Variants in ELMO1 observed in about 807,000 individuals in gnomAD.
ELMO1 encodes the protein engulfment and cell motility protein 1.
A neutral mutation model predicts 98.9 loss-of-function variants in ELMO1; 26 were observed. The observed-to-expected ratio is 0.26, with a 90% CI of 0.19 to 0.36. The LOEUF (loss-of-function observed/expected upper bound fraction) is 0.36. Ranked by LOEUF, ELMO1 falls within the 10% of genes least tolerant of loss-of-function variation. The pLI, the probability that ELMO1 is intolerant of heterozygous loss-of-function variation, is 1.00. For synonymous variants in ELMO1, 346 were observed against 346.0 expected, an observed-to-expected ratio of 1.00 and a Z score of 0.00; for missense variants, 627 against 935.2, an observed-to-expected ratio of 0.67 and a Z score of 4.30.
At chr7:37,293,096 G>C (rs1451468938) in intron 4 of ELMO1, among the ~76,000 whole-genome samples, 2 of 24,392 alleles carry the variant, frequency 8.2e-5, no homozygotes, top group Non-Finnish European at 3.5e-4. Context: ...GGGAGGTGGG[G>C]GGGGGTCAGC....
chr7:36,902,117 T>C (rs2129059501), intron 16 of ELMO1, among the ~76,000 whole-genome samples: 1 of 152,296 alleles, frequency 6.6e-6, no homozygotes, highest in African/African-American at 2.4e-5. Context: ...TTAATGTAAA[T>C]GGAGAGAAAC....
At chr7:36,999,247 T>C (rs2129159901) in intron 16 of ELMO1, among the ~76,000 whole-genome samples, 1 of 152,328 alleles carries the variant, frequency 6.6e-6, no homozygotes, top group Admixed American at 6.5e-5. Context: ...GTGATCTTCG[T>C]GTCATTTCCC....
Position 36,855,475 on chromosome 7 carries a change from T to G in ELMO1, c.*76A>C. ...TTTACCAAAGGACGGTTCCAAGGCG[T>G]GGGTGTGTTTTCATTCCTCTCTCCT... On this transcript the variant is annotated 3_prime_UTR_variant, in exon 22 of 22. Coordinates refer to ENST00000310758, the MANE Select transcript of ELMO1 (RefSeq NM_014800.11). The surrounding 1 kb of genome is among the most constrained non-coding windows in gnomAD (Gnocchi z 4.2). The G allele has an allele frequency of 6.4e-7, 1 of 1,568,940 alleles. No individual in the cohort carries two copies. Among genetic ancestry groups the G allele is most frequent in the Non-Finnish European group, 8.8e-7 (1 of 1,142,536 alleles).
At chr7:37,042,202 C>T (rs1584554728) in intron 15 of ELMO1, among the ~76,000 whole-genome samples, 1 of 133,236 alleles carries the variant, frequency 7.5e-6, no homozygotes, top group African/African-American at 2.9e-5. Flanking sequence ...CTCTGTTTTT[C>T]TGACTTTTGA....
rs571750766 is a variant in ELMO1 at position 36,996,800 on chromosome 7, T to A, written c.1437+16499A>T. 1.6e-4 allele frequency among the ~76,000 whole-genome samples: 25 copies of A among 152,228 alleles called. No homozygotes were observed. The South Asian group carries it at 5.2e-3, about 32-fold the overall frequency. On this transcript the variant is annotated intron_variant, in intron 16 of 21. Coordinates refer to ENST00000310758, the MANE Select transcript of ELMO1 (RefSeq NM_014800.11). ...GGAAAGAGTGAAGGTTCCTCCTTGC[T>A]GAGGGAACACAATCAGGGACAGATA...
intron 8 of ELMO1, among the ~76,000 whole-genome samples, chr7:37,232,570 G>T (rs1794234876): frequency 6.6e-6 from 1 of 152,150 alleles, no homozygotes; most frequent in South Asian, 2.1e-4. Context: ...ATGAAGAACT[G>T]GTAGAACTGG....
At chr7:37,248,400 G>C (rs967581167) in intron 6 of ELMO1, among the ~76,000 whole-genome samples, 2 of 151,878 alleles carry the variant, frequency 1.3e-5, no homozygotes, top group South Asian at 4.2e-4. Context: ...TCCATTACCA[G>C]AGTGAAGGAC....
chr7:37,107,305 G>C (rs1270624236), intron 14 of ELMO1, among the ~76,000 whole-genome samples: 1 of 152,168 alleles, frequency 6.6e-6, no homozygotes, highest in African/African-American at 2.4e-5. Context: ...CAGTGAAGGT[G>C]CACATGAGAT....
chr7:37,113,299 G>A lies in ELMO1; in HGVS notation c.1192-16572C>T, dbSNP rs145734943. Among the ~76,000 whole-genome samples the A allele has an allele frequency of 4.4e-3, 672 of 152,298 alleles. 5 individuals carry two copies. Among genetic ancestry groups the A allele is most frequent in the African/African-American group, 0.015 (633 of 41,558 alleles). On this transcript the variant is annotated intron_variant, in intron 14 of 21. Transcript: ENST00000310758. ...TCTTCTGTGTGCCTGGCACTGCCCC[G>A]GGCACTGGGGTACCGCAGTGACACC... is the stretch of plus-strand genomic sequence containing the variant.
chr7:36,873,651 T>C (rs552348566), intron 19 of ELMO1, among the ~76,000 whole-genome samples: 2 of 152,344 alleles, frequency 1.3e-5, no homozygotes, highest in South Asian at 4.1e-4. Flanking sequence ...TTCCACTGCA[T>C]GTTCCCCTGC....
chr7:37,126,033 A>G (rs1194050519), intron 14 of ELMO1, among the ~76,000 whole-genome samples: 1 of 152,110 alleles, frequency 6.6e-6, no homozygotes, highest in East Asian at 1.9e-4. Context: ...CATTCTCAGC[A>G]AACTATTGCA....
intron 7 of ELMO1, among the ~76,000 whole-genome samples, chr7:37,239,724 G>A (rs766992633): frequency 3.9e-5 from 6 of 152,212 alleles, no homozygotes; most frequent in African/African-American, 7.2e-5. Flanking sequence ...ATCTGAAAAT[G>A]TCTCAGCCAA....
At chr7:36,954,820 A>C (rs1358747434) in intron 16 of ELMO1, among the ~76,000 whole-genome samples, 1 of 152,230 alleles carries the variant, frequency 6.6e-6, no homozygotes, top group Non-Finnish European at 1.5e-5. Context: ...TCTGCTCAAA[A>C]TGCAGATTCT....
chr7:37,196,281 G>A (rs556907938), intron 13 of ELMO1, among the ~76,000 whole-genome samples: 52 of 152,326 alleles, frequency 3.4e-4, no homozygotes, highest in African/African-American at 1.2e-3. Flanking sequence ...GAGGACTGGC[G>A]TCAGGGTGAA....
At chr7:37,216,519 G>T in intron 11 of ELMO1, 126 bp downstream of exon 11, 2 of 1,093,368 alleles carry the variant, frequency 1.8e-6, no homozygotes, top group Non-Finnish European at 2.7e-6. Flanking sequence ...CTTCATTAGA[G>T]TTCCTACTGC....
intron 14 of ELMO1, among the ~76,000 whole-genome samples, chr7:37,111,746 C>T (rs140062046): frequency 1.3e-3 from 205 of 152,310 alleles, no homozygotes; most frequent in Admixed American, 2.8e-3. Context: ...AGCCTGGAAA[C>T]ATTCACTACT....
chr7:37,131,210 C>A (rs1419557389), intron 14 of ELMO1, among the ~76,000 whole-genome samples: 1 of 151,794 alleles, frequency 6.6e-6, no homozygotes, highest in Non-Finnish European at 1.5e-5. Flanking sequence ...AAATGGGACA[C>A]AGAAAAAATT....
chr7:37,148,307 T>G (rs1467346453), intron 13 of ELMO1, among the ~76,000 whole-genome samples: 1 of 152,226 alleles, frequency 6.6e-6, no homozygotes, highest in Non-Finnish European at 1.5e-5. Context: ...CACACACTCA[T>G]AAATTACACA....
At chr7:37,193,620 A>G (rs531296818) in intron 13 of ELMO1, among the ~76,000 whole-genome samples, 65 of 152,264 alleles carry the variant, frequency 4.3e-4, no homozygotes, top group African/African-American at 1.5e-3. Flanking sequence ...ACTCAGCACT[A>G]AAAATAAGGC....
Sources: gnomAD v4.1 joint callset for allele counts (sites outside exome capture counted in the v4.1 genomes callset) on GRCh38, gnomAD v4.1.1 for gene constraint, Gnocchi (gnomAD v3.1) non-coding constraint, MANE v1.5 for transcripts, NCBI Gene and HGNC (gene_info 2026-07-23, HGNC 2026-07-21) for gene names.